KCTD2: variants seen among roughly 807,000 people sequenced by gnomAD.
KCTD2 encodes BTB/POZ domain-containing protein KCTD2.
In KCTD2, 18 loss-of-function variants were observed where a neutral mutation model predicts 27.9. That is an observed-to-expected ratio of 0.64 (90% confidence interval 0.45 to 0.96). The LOEUF is 0.96. Among genes scored for constraint, KCTD2 ranks in the 40% least tolerant of loss-of-function variants. KCTD2 has a pLI of 0.00. For missense variants in KCTD2, 280 were observed against 348.0 expected (o/e 0.80, Z 1.56); for synonymous variants, 175 against 148.4 (o/e 1.18, Z -1.30).
chr17:75,062,743 C>CACACAG (rs1325191013), intron 5 of KCTD2, among the ~76,000 whole-genome samples: 4 of 145,982 alleles, frequency 2.7e-5, no homozygotes, highest in South Asian at 4.3e-4. Flanking sequence ...CACACACACA[C>CACACAG]AGCTTCTAAA....
intron 3 of KCTD2, among the ~76,000 whole-genome samples, chr17:75,037,805 T>G (rs998572061): frequency 1.3e-5 from 2 of 152,128 alleles, no homozygotes; most frequent in African/African-American, 4.8e-5. Flanking sequence ...ATCCCAGCAC[T>G]TTGGGAGGCT....
At chr17:75,051,887 C>G (rs937886809) in intron 2 of KCTD2, among the ~76,000 whole-genome samples, 1 of 152,168 alleles carries the variant, frequency 6.6e-6, no homozygotes, top group African/African-American at 2.4e-5. Flanking sequence ...TAGGATCACA[C>G]GTCTCATAGT....
In KCTD2 at chr17:75,047,233, T is replaced by C. The variant is rs1347120191; in HGVS notation, c.-18T>C. ...CCCGGCTGCGCGCGGGCAGCAGCGG[T>C]GGCGGCGGCGGTCCAAGATGGCGGA... On this transcript the variant is annotated 5_prime_UTR_variant, in exon 1 of 6. Coordinates refer to ENST00000322444, the MANE Select transcript of KCTD2 (RefSeq NM_015353.3). 7 of 662,180 alleles carry C rather than the reference T, an allele frequency of 1.1e-5. No individual in the cohort carries two copies. Among genetic ancestry groups the C allele is most frequent in the Non-Finnish European group, 1.1e-5 (6 of 525,246 alleles). The allele number at this position is 662,180 out of a possible 1,614,324, so 41.0% of individuals were successfully genotyped here.
At chr17:75,042,719 A>G, upstream of KCTD2, 1 of 1,493,434 alleles carries the variant, frequency 6.7e-7, no homozygotes, top group Non-Finnish European at 9.1e-7. Context: ...CAGTTGGGAA[A>G]AATGATAAAT....
chr17:75,060,751 A>G (rs2073396941), intron 4 of KCTD2: 4 of 660,272 alleles, frequency 6.1e-6, no homozygotes, highest in African/African-American at 3.8e-5. Context: ...ATATGATTTT[A>G]TACGGATTAT....
intron 3 of KCTD2, chr17:75,040,018 A>C (rs762825474): frequency 1.3e-6 from 2 of 1,510,604 alleles, no homozygotes; most frequent in African/African-American, 2.8e-5. Flanking sequence ...ATTCACTCTA[A>C]CTTAACTTAG....
At chr17:75,058,343 A>G (rs1332179189) in intron 3 of KCTD2, among the ~76,000 whole-genome samples, 1 of 150,946 alleles carries the variant, frequency 6.6e-6, no homozygotes, top group Non-Finnish European at 1.5e-5. Context: ...AAAAGGAAAA[A>G]AAAATAAAAA....
rs141677302 is a variant in KCTD2, at chr17:75,061,442, C to T, written c.637-678C>T. ...GGAGGATTGCTTGAGTCCTGGAGTT[C>T]GGAGACCAGCCTGGGCAACATAGCG... On this transcript the variant is annotated intron_variant, in intron 4 of 5. Transcript: ENST00000322444. 6.8e-4 allele frequency among the ~76,000 whole-genome samples: 103 copies of T among 152,202 alleles called. 1 individual carries two copies. The East Asian group carries it at 0.016, about 23-fold the overall frequency.
intron 3 of KCTD2, among the ~76,000 whole-genome samples, chr17:75,053,671 G>A (rs751484690): frequency 2.0e-5 from 3 of 151,862 alleles, no homozygotes; most frequent in Admixed American, 6.6e-5. Flanking sequence ...TCGAACTCCC[G>A]ACCTCAGGTG....
At chr17:75,062,080 G>A in intron 4 of KCTD2, 40 bp from the exon 5 acceptor site, 1 of 1,612,190 alleles carries the variant, frequency 6.2e-7, no homozygotes, top group Non-Finnish European at 8.5e-7. Flanking sequence ...AGTATGTTAA[G>A]ATTGCCACAT....
intron 3 of KCTD2, among the ~76,000 whole-genome samples, chr17:75,058,127 C>G (rs1035264543): frequency 4.0e-5 from 6 of 151,360 alleles, no homozygotes; most frequent in African/African-American, 1.5e-4. Context: ...AGTTTGAGAC[C>G]AGCCTGGCCA....
At chr17:75,035,385 T>C (rs1227732091) in intron 3 of KCTD2, 1 of 152,108 alleles carries the variant, frequency 6.6e-6, no homozygotes, top group African/African-American at 2.4e-5. Flanking sequence ...TCTTGTTGTC[T>C]CTCTTGAGCT....
chr17:75,049,429 GT>G (rs1431626500), intron 2 of KCTD2, 101 bp downstream of exon 2: 1 of 731,888 alleles, frequency 1.4e-6, no homozygotes, highest in Non-Finnish European at 2.3e-6. Context: ...TCAGGCGCAT[GT>G]GCAGGTATAG....
chr17:75,053,009 TC>T lies in KCTD2; in HGVS notation c.449-3del. 1 of 1,613,762 alleles carries T rather than the reference TC, an allele frequency of 6.2e-7. No individual in the cohort carries two copies. ...TATCTGACTGCAGTTTTGTCCTTGT[TC>T]CAGGTGTGCTGGAGGAAGCGGAGTT... On this transcript the variant is annotated splice_polypyrimidine_tract_variant and splice_region_variant and intron_variant, in intron 2 of 5. Coordinates refer to ENST00000322444, the MANE Select transcript of KCTD2 (RefSeq NM_015353.3).
chr17:75,045,105 C>CG (rs1567988685), upstream of KCTD2, among the ~76,000 whole-genome samples: 1 of 152,062 alleles, frequency 6.6e-6, no homozygotes, highest in Non-Finnish European at 1.5e-5. Flanking sequence ...GCTGGGCGTC[C>CG]GGGGGAGACA....
At chr17:75,033,572 A>C (rs1354393705) in intron 1 of KCTD2, among the ~76,000 whole-genome samples, 1 of 152,066 alleles carries the variant, frequency 6.6e-6, no homozygotes, top group East Asian at 1.9e-4. Flanking sequence ...ATTTTTTATC[A>C]GTTCTGTAGA....
upstream of KCTD2, among the ~76,000 whole-genome samples, chr17:75,043,191 A>T (rs2073178379): frequency 6.6e-6 from 1 of 152,240 alleles, no homozygotes; most frequent in Non-Finnish European, 1.5e-5. Context: ...AGTGCACCCT[A>T]GCCTGGGCAA....
In KCTD2 at chr17:75,034,975, C is replaced by A. The variant is rs910083933; in HGVS notation, c.-384-257C>A. Among the ~76,000 whole-genome samples the A allele has an allele frequency of 6.6e-5, 10 of 152,116 alleles. No homozygotes were observed. In the East Asian group the frequency reaches 1.9e-3, roughly 29 times the overall value. On this transcript the variant is annotated intron_variant, in intron 2 of 7. Coordinates refer to the KCTD2 transcript ENST00000581589. ...CAGGTGCCGCTCCGCTCGGGGGTGA[C>A]TAGGCGGGCGGCTGGGGCCAGAGGA...
rs374861835 is a variant in KCTD2, at chr17:75,037,825, G to A, written c.-259+2468G>A. Among the ~76,000 whole-genome samples, 78 of 152,078 alleles carry A rather than the reference G, an allele frequency of 5.1e-4. 1 individual carries two copies. The highest frequency in any genetic ancestry group is 1.8e-3 in the African/African-American group (76 of 41,518). ...AGCACTTTGGGAGGCTGAGGCGGGC[G>A]GATCACAAGGTCAGGAGATCGAGAC... On this transcript the variant is annotated intron_variant, in intron 3 of 7. Coordinates refer to the KCTD2 transcript ENST00000581589.
Sources: gnomAD v4.1 joint callset for allele counts (sites outside exome capture counted in the v4.1 genomes callset) on GRCh38, gnomAD v4.1.1 for gene constraint, MANE v1.5 for transcripts, NCBI Gene and HGNC (gene_info 2026-07-23, HGNC 2026-07-21) for gene names.